The following EIF3A variants were observed in gnomAD, a reference collection of about 807,000 sequenced individuals.
EIF3A encodes EIF3, p180 subunit.
Under a neutral mutation model 186.6 loss-of-function variants are expected in EIF3A, and 21 were observed. The observed-to-expected ratio is 0.11, with a 90% CI of 0.08 to 0.16. The LOEUF (loss-of-function observed/expected upper bound fraction) is 0.16. Ranked by LOEUF, EIF3A falls within the 10% of genes least tolerant of loss-of-function variation. The pLI is 1.00. For synonymous variants in EIF3A, 563 were observed against 584.3 expected, an observed-to-expected ratio of 0.96 and a Z score of 0.52; for missense variants, 1,306 against 1,796.3, an observed-to-expected ratio of 0.73 and a Z score of 4.93.
chr10:119,050,122 G>A, intron 16 of EIF3A, 137 bp from the exon 17 acceptor site: 1 of 838,902 alleles, frequency 1.2e-6, no homozygotes, highest in South Asian at 1.7e-5. Context: ...ATCAGCTACA[G>A]GACAGAACAT....
intron 8 of EIF3A, 37 bp downstream of exon 8, chr10:119,061,187 C>A: frequency 8.1e-7 from 1 of 1,228,194 alleles, no homozygotes; most frequent in South Asian, 1.3e-5. Flanking sequence ...AAGGCCAACT[C>A]TGTGGTAACA....
At chr10:119,051,576 A>T (rs1252049986) in intron 14 of EIF3A, among the ~76,000 whole-genome samples, 2 of 152,186 alleles carry the variant, frequency 1.3e-5, no homozygotes, top group African/African-American at 4.8e-5. Context: ...GGAACTTTAT[A>T]AAGGAAAAAT....
At chr10:119,049,093 T>C (rs1013017698) in intron 17 of EIF3A, among the ~76,000 whole-genome samples, 1 of 152,214 alleles carries the variant, frequency 6.6e-6, no homozygotes, top group Non-Finnish European at 1.5e-5. Flanking sequence ...AATTCCATCT[T>C]TGCTAAGACA....
rs1843866157 is a variant in EIF3A at position 119,060,401 on chromosome 10, A to G, written c.1326+345T>C. ...AAAGATACATGTATGAAAGATGCTC[A>G]ATGCTACAAGATTTCTAACAGGGAA... On this transcript the variant is annotated intron_variant, in intron 9 of 21. Coordinates refer to ENST00000369144, the MANE Select transcript of EIF3A (RefSeq NM_003750.4). Among the ~76,000 whole-genome samples, 5 of 152,320 alleles carry G rather than the reference A, an allele frequency of 3.3e-5. No homozygotes were observed. The South Asian group carries it at 1.0e-3, about 32-fold the overall frequency.
intron 6 of EIF3A, among the ~76,000 whole-genome samples, chr10:119,068,830 G>A (rs1001620746): frequency 1.5e-4 from 23 of 150,686 alleles, no homozygotes; most frequent in African/African-American, 5.1e-4. Context: ...AAAATTAGCC[G>A]GGCATGGTGG....
chr10:119,042,769 C>A lies in EIF3A; in HGVS notation c.2751G>T (p.Glu917Asp). The A allele has an allele frequency of 6.3e-7, 1 of 1,588,766 alleles. No homozygotes were observed. Among genetic ancestry groups the A allele is most frequent in the Non-Finnish European group, 8.6e-7 (1 of 1,168,230 alleles). ...CATCTCGCCCTTCTCCACGTCTCCA[C>A]TCCCTACACAGCAACAAGAACAATT... Reference protein sequence around the residue: ...SEWRRGPPEKEWRRGEGRDED... With the variant: ...SEWRRGPPEKDWRRGEGRDED... The change falls in exon 19 of 22, where the codon GAG becomes GAT. Residue 917 changes from glutamate to aspartate, a missense_variant. Around this residue, in one of 8 missense-constraint regions of EIF3A, gnomAD observed 410 missense variants for 473.5 expected, o/e 0.87. Transcript: ENST00000369144. The surrounding 1 kb of genome is among the most constrained non-coding windows in gnomAD (Gnocchi z 7.8).
chr10:119,077,698 G>A (rs1038954141), intron 1 of EIF3A, among the ~76,000 whole-genome samples: 2 of 151,760 alleles, frequency 1.3e-5, no homozygotes, highest in African/African-American at 4.8e-5. Flanking sequence ...GGGACTACAG[G>A]TGCCCGCCAC....
chr10:119,065,745 CT>C (rs1302506169), intron 6 of EIF3A, among the ~76,000 whole-genome samples, 175 bp from the exon 7 acceptor site: 1 of 152,150 alleles, frequency 6.6e-6, no homozygotes, highest in African/African-American at 2.4e-5. Flanking sequence ...GAGAAATGGG[CT>C]GTGTTTAAAC....
chr10:119,057,460 T>C (rs927552812), intron 12 of EIF3A, among the ~76,000 whole-genome samples: 1 of 152,170 alleles, frequency 6.6e-6, no homozygotes, highest in Non-Finnish European at 1.5e-5. Flanking sequence ...CAAAATTACC[T>C]TCAGGCTATG....
chr10:119,058,832 G>A (rs1047208580), intron 11 of EIF3A, among the ~76,000 whole-genome samples: 2 of 152,196 alleles, frequency 1.3e-5, no homozygotes, highest in Non-Finnish European at 2.9e-5. Flanking sequence ...GCAATGAGCC[G>A]AGATGGCATC....
intron 17 of EIF3A, 86 bp from the exon 18 acceptor site, chr10:119,044,228 T>C: frequency 1.1e-6 from 1 of 924,482 alleles, no homozygotes; most frequent in Non-Finnish European, 1.7e-6. Flanking sequence ...ATATTTTTTG[T>C]ACTTATAACA....
At chr10:119,038,142 C>G (rs1489401235) in intron 20 of EIF3A, 96 bp downstream of exon 20, 1 of 1,095,608 alleles carries the variant, frequency 9.1e-7, no homozygotes, top group Non-Finnish European at 1.4e-6. Context: ...CTCTCGAACT[C>G]CTGAACTCAG....
chr10:119,051,397 C>G, intron 14 of EIF3A, 76 bp from the exon 15 acceptor site: 1 of 1,413,210 alleles, frequency 7.1e-7, no homozygotes, highest in Admixed American at 2.6e-5. Context: ...GAGAAATACT[C>G]TTGAAAAATT....
chr10:119,060,730 A>AT lies in EIF3A; in HGVS notation c.1326+15dup, dbSNP rs761257383. ...CACATAACATCACAAAACTTTTTTTATTTTTTTATTTTTACCTGCTGCAGA... is the reference window on the plus strand; with the variant it reads ...CACATAACATCACAAAACTTTTTTTATTTTTTTTATTTTTACCTGCTGCAGA... On this transcript the variant is annotated intron_variant, in intron 9 of 21. Coordinates refer to ENST00000369144, the MANE Select transcript of EIF3A (RefSeq NM_003750.4). The AT allele has an allele frequency of 7.6e-6, 12 of 1,575,086 alleles. No individual in the cohort carries two copies. In the East Asian group the frequency reaches 2.5e-4, roughly 33 times the overall value.
intron 5 of EIF3A, among the ~76,000 whole-genome samples, chr10:119,070,566 C>A (rs1341106643): frequency 1.3e-5 from 2 of 151,050 alleles, no homozygotes; most frequent in Non-Finnish European, 3.0e-5. Flanking sequence ...ATACTTATTT[C>A]ATCACAGACC....
chr10:119,059,837 C>A, intron 9 of EIF3A, 119 bp from the exon 10 acceptor site: 18 of 721,868 alleles, frequency 2.5e-5, no homozygotes, highest in East Asian at 5.2e-5. Flanking sequence ...GTTAGCAGTA[C>A]ATTGTTAAAG....
In EIF3A at chr10:119,036,044, G is replaced by A. The variant is rs765705109; in HGVS notation, c.4144C>T (p.Arg1382Cys). Residue 1382 changes from arginine (R) to cysteine (C), a missense_variant, in exon 22 of 22, where the codon CGT becomes TGT. Arg to Cys is a radical substitution (Grantham distance 180). This residue lies in a region of EIF3A where 331 missense variants were observed against 365.8 expected (regional missense o/e 0.90). Coordinates refer to ENST00000369144, the MANE Select transcript of EIF3A (RefSeq NM_003750.4). Reference protein sequence around the residue: ...TDEDGWTTVRR With the variant: ...TDEDGWTTVRC ...TAAATCCATTATCTTGAGACTTAAC[G>A]TCGTACTGTGGTCCATCCATCTTCA... The A allele has an allele frequency of 8.1e-6, 13 of 1,610,732 alleles. No individual in the cohort carries two copies. The highest frequency in any genetic ancestry group is 2.7e-5 in the African/African-American group (2 of 74,782).
Position 119,034,287 on chromosome 10 carries a change from G to C in EIF3A, c.*1752C>G, listed in dbSNP as rs1182673769. ...ACTTGGGAGAACAGTACGGGAGACT[G>C]AGCAGAAAGGATGGGTTTGCTGACT... On this transcript the variant is annotated 3_prime_UTR_variant, in exon 22 of 22. Coordinates refer to ENST00000369144, the MANE Select transcript of EIF3A (RefSeq NM_003750.4). 1 of 166,884 alleles carries C rather than the reference G, an allele frequency of 6.0e-6. No homozygotes were observed. The highest frequency in any genetic ancestry group is 2.4e-5 in the African/African-American group (1 of 41,450). The allele number at this position is 166,884 out of a possible 1,614,324, so 10.3% of individuals were successfully genotyped here.
In EIF3A at chr10:119,049,195, C is replaced by G. The variant is rs577661673; in HGVS notation, c.2658+606G>C. Among the ~76,000 whole-genome samples, 284 of 152,186 alleles carry G rather than the reference C, an allele frequency of 1.9e-3. 2 individuals are homozygous for G. The highest frequency in any genetic ancestry group is 6.4e-3 in the African/African-American group (266 of 41,532). The stretch of plus-strand genomic sequence containing the variant: ...TGAAAATGGGCTGGGTGCGGTGGCT[C>G]GCGCCTGTAATCCCAGCACTTTGGG... On this transcript the variant is annotated intron_variant, in intron 17 of 21. Transcript: ENST00000369144.
Sources: gnomAD v4.1 joint callset for allele counts (sites outside exome capture counted in the v4.1 genomes callset) on GRCh38, gnomAD v4.1.1 for gene constraint, gnomAD v4.1.1 regional missense constraint, Gnocchi (gnomAD v3.1) non-coding constraint, MANE v1.5 for transcripts, NCBI Gene and HGNC (gene_info 2026-07-23, HGNC 2026-07-21) for gene names.